Variants in PCDHGA5 observed in about 807,000 individuals in gnomAD.
PCDHGA5 encodes protocadherin gamma subfamily A, 5.
Under a neutral mutation model 56.7 loss-of-function variants are expected in PCDHGA5, and 36 were observed. That is an observed-to-expected ratio of 0.64 (90% CI 0.49 to 0.84). PCDHGA5 has a LOEUF of 0.84. Among genes scored for constraint, PCDHGA5 ranks in the 40% least tolerant of loss-of-function variants. PCDHGA5 has a pLI of 0.00. For missense variants in PCDHGA5, 1,305 were observed against 1,201.5 expected, an observed-to-expected ratio of 1.09 and a Z score of -1.27; for synonymous variants, 563 against 520.2, an observed-to-expected ratio of 1.08 and a Z score of -1.12.
intron 1 of PCDHGA5, chr5:141,379,058 G>A (rs533303980): frequency 1.3e-5 from 2 of 152,256 alleles, no homozygotes; most frequent in South Asian, 2.1e-4. Context: ...AGAATGGATT[G>A]GCCACTTGTG....
In PCDHGA5 at chr5:141,365,970, CGCTGAGCCTGTTTGT is replaced by C. The variant is rs753408644; in HGVS notation, c.1645_1659del (p.Ser549_Leu553del). The C allele has an allele frequency of 1.2e-6, 2 of 1,614,138 alleles. No individual in the cohort carries two copies. The highest frequency in any genetic ancestry group is 1.7e-5 in the Admixed American group (1 of 60,006). On this transcript the variant is annotated inframe_deletion, in exon 1 of 4. Transcript: ENST00000518069. ...AACCCTCCACTTAGCAGCAACGTGT[CGCTGAGCCTGTTTGT>C]GCTGGACCAGAACGACAATACGCCT... is the stretch of plus-strand genomic sequence containing the variant.
chr5:141,383,179 G>C, intron 1 of PCDHGA5: 1 of 1,614,124 alleles, frequency 6.2e-7, no homozygotes, highest in Non-Finnish European at 8.5e-7. Context: ...AGACCGGGAA[G>C]AGATCTGCGC....
chr5:141,504,583 A>C (rs1230825472), intron 2 of PCDHGA5, among the ~76,000 whole-genome samples: 5 of 146,622 alleles, frequency 3.4e-5, no homozygotes, highest in Non-Finnish European at 7.4e-5. Context: ...CCATCTGCCC[A>C]GGATTCACAG....
Position 141,421,742 on chromosome 5 carries a change from A to G in PCDHGA5, c.2421+54991A>G, listed in dbSNP as rs772984365. The stretch of plus-strand genomic sequence containing the variant: ...GGCGTGAACTCCCTCCAGAGCTACC[A>G]GCTCAGCCCTAATAATTACTTTTCC... On this transcript the variant is annotated intron_variant, in intron 1 of 3. Transcript: ENST00000518069. The G allele has an allele frequency of 4.3e-6, 7 of 1,613,826 alleles. No individual in the cohort carries two copies. The East Asian group carries it at 1.3e-4, about 31-fold the overall frequency.
chr5:141,404,877 T>A (rs1242099855), intron 1 of PCDHGA5: 2 of 1,613,738 alleles, frequency 1.2e-6, no homozygotes, highest in Non-Finnish European at 1.7e-6. Flanking sequence ...AAACAGAGCC[T>A]TGTGGTGGCT....
At position 141,431,998 on chromosome 5, in the gene PCDHGA5, A is replaced by G. The variant is rs201105272; in HGVS notation, c.2422-62809A>G. The G allele has an allele frequency of 1.2e-6, 2 of 1,614,176 alleles. No homozygotes were observed. Among genetic ancestry groups the G allele is most frequent in the Admixed American group, 1.7e-5 (1 of 60,030 alleles). On this transcript the variant is annotated intron_variant, in intron 1 of 3. Coordinates refer to ENST00000518069, the MANE Select transcript of PCDHGA5 (RefSeq NM_018918.3). This position sits in a 1 kb window ranked among gnomAD's most constrained non-coding sequence, Gnocchi z 4.8. The stretch of plus-strand genomic sequence containing the variant: ...TCACAGACATAGTCTTGGATAGGGA[A>G]CAGGTTCCTAGCTACAACATCACAG...
intron 1 of PCDHGA5, among the ~76,000 whole-genome samples, chr5:141,402,429 T>C (rs2094263946): frequency 6.6e-6 from 1 of 151,986 alleles, no homozygotes; most frequent in Admixed American, 6.6e-5. Flanking sequence ...AATTGAAGCA[T>C]CATAAAAAGG....
intron 2 of PCDHGA5, 36 bp from the exon 3 acceptor site, chr5:141,505,357 T>A (rs1026098450): frequency 6.2e-7 from 1 of 1,613,762 alleles, no homozygotes; most frequent in African/African-American, 1.3e-5. Context: ...TGTGCCGGCC[T>A]GGGAGTCTGT....
chr5:141,450,931 T>G (rs571428678), intron 1 of PCDHGA5, among the ~76,000 whole-genome samples: 2 of 151,650 alleles, frequency 1.3e-5, no homozygotes, highest in African/African-American at 4.8e-5. Flanking sequence ...TTCAAGCAAT[T>G]CTCCTACCTC....
At chr5:141,384,795 G>C (rs763067876) in intron 1 of PCDHGA5, 1 of 1,613,482 alleles carries the variant, frequency 6.2e-7, no homozygotes, top group South Asian at 1.1e-5. Context: ...CTCGGGCCCT[G>C]CTGGACAGAG....
At chr5:141,426,814 T>C (rs2096962370) in intron 1 of PCDHGA5, 1 of 456,592 alleles carries the variant, frequency 2.2e-6, no homozygotes, top group Admixed American at 2.3e-5. Flanking sequence ...AATGAACATT[T>C]CTCTCTGATG....
At chr5:141,420,164 A>G (rs2096471602) in intron 1 of PCDHGA5, 1 of 1,614,040 alleles carries the variant, frequency 6.2e-7, no homozygotes, top group Non-Finnish European at 8.5e-7. Context: ...TAATTTTTTC[A>G]CATCTGTTGA....
intron 1 of PCDHGA5, chr5:141,475,902 C>A (rs1296545944): frequency 1.7e-6 from 1 of 576,594 alleles, no homozygotes; most frequent in Non-Finnish European, 3.0e-6. Context: ...GTGCCGCTGT[C>A]GGCCAATGAA....
intron 1 of PCDHGA5, among the ~76,000 whole-genome samples, chr5:141,436,889 G>T (rs1319754318): frequency 6.6e-6 from 1 of 152,208 alleles, no homozygotes; most frequent in Non-Finnish European, 1.5e-5. Flanking sequence ...ATGGGGGAAA[G>T]ATTTTTATAT....
intron 1 of PCDHGA5, chr5:141,370,427 AG>A (rs749504882): frequency 1.3e-4 from 212 of 1,590,086 alleles, no homozygotes; most frequent in Non-Finnish European, 1.7e-4. Flanking sequence ...GGGGCCCAGC[AG>A]GGCAGAGGCG....
chr5:141,375,973 C>T (rs577451422), intron 1 of PCDHGA5: 6 of 1,613,256 alleles, frequency 3.7e-6, no homozygotes, highest in Non-Finnish European at 4.2e-6. Context: ...GCACGGCGCG[C>T]GCCCTGCTGG....
At chr5:141,409,324 G>C (rs759596277) in intron 1 of PCDHGA5, 1 of 1,614,000 alleles carries the variant, frequency 6.2e-7, no homozygotes, top group East Asian at 2.2e-5. Context: ...CACGGGATCT[G>C]GATTTCGGAG....
Position 141,365,565 on chromosome 5 carries a change from G to A in PCDHGA5, c.1235G>A (p.Arg412Lys), listed in dbSNP as rs140294664. The A allele has an allele frequency of 1.9e-6, 3 of 1,613,720 alleles. No individual in the cohort carries two copies. The Admixed American group carries it at 5.0e-5, about 27-fold the overall frequency. Residue 412 changes from arginine (R) to lysine (K), a missense_variant, in exon 1 of 4, where the codon AGA becomes AAA. Physicochemically the swap from Arg to Lys is conservative, Grantham distance 26. Transcript: ENST00000518069. ...YHLLTTRDLDREETSDYNITL... is the reference protein window; with the variant it reads ...YHLLTTRDLDKEETSDYNITL... ...CTATTAACAACTAGGGACCTGGACA[G>A]AGAAGAGACTTCAGATTATAATATC...
intron 1 of PCDHGA5, chr5:141,392,883 TGGGAAATC>T (rs1224904365): frequency 3.1e-6 from 5 of 1,613,518 alleles, no homozygotes; most frequent in Non-Finnish European, 4.2e-6. Flanking sequence ...GGGAACGCTG[TGGGAAATC>T]GGGAGGGGAC....
Sources: allele counts gnomAD v4.1 joint callset (sites outside exome capture counted in the v4.1 genomes callset), GRCh38; gene constraint gnomAD v4.1.1; non-coding constraint Gnocchi (gnomAD v3.1); transcripts MANE v1.5; gene names NCBI Gene and HGNC (gene_info 2026-07-23, HGNC 2026-07-21).